The following KCND2 variants were observed in gnomAD, a reference collection of about 807,000 sequenced individuals.
KCND2 encodes the protein A-type voltage-gated potassium channel KCND2.
Under a neutral mutation model 54.4 loss-of-function variants are expected in KCND2, and 16 were observed. The observed-to-expected ratio is 0.29, with a 90% CI of 0.20 to 0.45. KCND2 has a LOEUF of 0.45. Among genes scored for constraint, KCND2 ranks in the 20% least tolerant of loss-of-function variants. The pLI, the probability that KCND2 is intolerant of heterozygous loss-of-function variation, is 1.00. For synonymous variants in KCND2, 317 were observed against 310.7 expected, an observed-to-expected ratio of 1.02 and a Z score of -0.21; for missense variants, 486 against 824.2, an observed-to-expected ratio of 0.59 and a Z score of 5.02.
intron 1 of KCND2, among the ~76,000 whole-genome samples, chr7:120,634,818 C>T (rs1793283887): frequency 6.6e-6 from 1 of 152,180 alleles, no homozygotes; most frequent in Non-Finnish European, 1.5e-5. Context: ...GACTCTTCCT[C>T]ACCTTGCAGG....
intron 1 of KCND2, among the ~76,000 whole-genome samples, chr7:120,350,530 A>G (rs1050371578): frequency 2.0e-5 from 3 of 152,144 alleles, no homozygotes; most frequent in African/African-American, 4.8e-5. Context: ...AATACATTGC[A>G]TTTAATTTTC....
chr7:120,390,010 AT>A (rs1801049324), intron 1 of KCND2, among the ~76,000 whole-genome samples: 1 of 151,910 alleles, frequency 6.6e-6, no homozygotes, highest in African/African-American at 2.4e-5. Context: ...GATAGAAATG[AT>A]TATTTCCTCT....
intron 1 of KCND2, among the ~76,000 whole-genome samples, chr7:120,432,209 T>G (rs1446304099): frequency 1.3e-5 from 2 of 152,190 alleles, no homozygotes; most frequent in African/African-American, 4.8e-5. Flanking sequence ...CATTACTATA[T>G]CCATCCTGGT....
chr7:120,376,723 A>G (rs1800839568), intron 1 of KCND2, among the ~76,000 whole-genome samples: 1 of 151,848 alleles, frequency 6.6e-6, no homozygotes. Context: ...ACTTTTCAAG[A>G]ATCATGAAAA....
chr7:120,521,623 T>C (rs1022503435), intron 1 of KCND2, among the ~76,000 whole-genome samples: 2 of 152,180 alleles, frequency 1.3e-5, no homozygotes, highest in Non-Finnish European at 2.9e-5. Context: ...CGTAATAATA[T>C]ATGTCCCCTT....
At chr7:120,725,377 A>G (rs1171205747) in intron 1 of KCND2, among the ~76,000 whole-genome samples, 1 of 152,212 alleles carries the variant, frequency 6.6e-6, no homozygotes, top group African/African-American at 2.4e-5. Flanking sequence ...GAAACACAAA[A>G]TGCTGTCGGA....
intron 1 of KCND2, among the ~76,000 whole-genome samples, chr7:120,509,138 AGT>A (rs752370757): frequency 6.6e-6 from 1 of 152,074 alleles, no homozygotes. Context: ...ATAATGTAAG[AGT>A]GTTAGGTAAC....
chr7:120,682,120 T>C (rs1415586387), intron 1 of KCND2, among the ~76,000 whole-genome samples: 1 of 152,102 alleles, frequency 6.6e-6, no homozygotes, highest in Admixed American at 6.6e-5. Flanking sequence ...TTGAACTTAT[T>C]CATTTGATCA....
At chr7:120,421,546 G>A (rs748709315) in intron 1 of KCND2, among the ~76,000 whole-genome samples, 5 of 152,188 alleles carry the variant, frequency 3.3e-5, no homozygotes, top group African/African-American at 4.8e-5. Context: ...AAACATTTCC[G>A]TGCTGTTGGA....
chr7:120,726,795 T>A (rs1400749491), intron 1 of KCND2, among the ~76,000 whole-genome samples: 1 of 152,240 alleles, frequency 6.6e-6, no homozygotes, highest in Non-Finnish European at 1.5e-5. Flanking sequence ...ATGTACAGAA[T>A]GCTCCTGAAC....
intron 1 of KCND2, among the ~76,000 whole-genome samples, chr7:120,391,249 A>G (rs1801073251): frequency 6.6e-6 from 1 of 152,102 alleles, no homozygotes; most frequent in Non-Finnish European, 1.5e-5. Context: ...ACACGAACTC[A>G]TTCTTTCTTA....
chr7:120,372,950 T>G (rs1025110379), intron 1 of KCND2, among the ~76,000 whole-genome samples: 1 of 151,872 alleles, frequency 6.6e-6, no homozygotes, highest in Non-Finnish European at 1.5e-5. Flanking sequence ...TGAATTTCCT[T>G]TATAAAGTTT....
chr7:120,592,320 C>T (rs533889726), intron 1 of KCND2, among the ~76,000 whole-genome samples: 5 of 152,170 alleles, frequency 3.3e-5, no homozygotes, highest in Non-Finnish European at 4.4e-5. Flanking sequence ...AGGTGGAAGC[C>T]GGTGGCAGAT....
intron 1 of KCND2, among the ~76,000 whole-genome samples, chr7:120,564,768 A>G (rs368195328): frequency 1.3e-5 from 2 of 152,164 alleles, no homozygotes; most frequent in African/African-American, 4.8e-5. Flanking sequence ...ATAATAAACT[A>G]TACAATTTAT....
intron 1 of KCND2, among the ~76,000 whole-genome samples, chr7:120,615,810 C>T (rs1793016596): frequency 6.6e-6 from 1 of 152,176 alleles, no homozygotes; most frequent in South Asian, 2.1e-4. Context: ...GCAAACTTCT[C>T]TAGGACTTGG....
At chr7:120,349,337 C>CACAT (rs1293045693) in intron 1 of KCND2, among the ~76,000 whole-genome samples, 1 of 151,112 alleles carries the variant, frequency 6.6e-6, no homozygotes, top group South Asian at 2.1e-4. Flanking sequence ...AACACACACA[C>CACAT]ACACACACAC....
At chr7:120,400,219 A>G (rs1801228974) in intron 1 of KCND2, among the ~76,000 whole-genome samples, 1 of 152,178 alleles carries the variant, frequency 6.6e-6, no homozygotes, top group African/African-American at 2.4e-5. Flanking sequence ...CAATTTGTAT[A>G]TTAACACATA....
At chr7:120,286,295 A>G (rs1007191039) in intron 1 of KCND2, among the ~76,000 whole-genome samples, 1 of 151,974 alleles carries the variant, frequency 6.6e-6, no homozygotes, top group Non-Finnish European at 1.5e-5. Flanking sequence ...ATATACACCA[A>G]TACAAAAATG....
At chr7:120,289,931 C>T (rs184174956) in intron 1 of KCND2, among the ~76,000 whole-genome samples, 19 of 152,114 alleles carry the variant, frequency 1.2e-4, no homozygotes, top group Non-Finnish European at 1.9e-4. Flanking sequence ...TAAGTAGTTT[C>T]GAAGCTCACA....
Sources: gnomAD v4.1 joint callset for allele counts (sites outside exome capture counted in the v4.1 genomes callset) on GRCh38, gnomAD v4.1.1 for gene constraint, MANE v1.5 for transcripts, NCBI Gene and HGNC (gene_info 2026-07-23, HGNC 2026-07-21) for gene names.